PTCHD4: variants seen among roughly 807,000 people sequenced by gnomAD.
PTCHD4 encodes the protein patched domain containing 4.
In PTCHD4, 33 loss-of-function variants were observed where a neutral mutation model predicts 58.1. That is an observed-to-expected ratio of 0.57 (90% CI 0.43 to 0.76). PTCHD4 has a LOEUF of 0.76. Ranked by LOEUF, PTCHD4 falls within the 30% of genes least tolerant of loss-of-function variation. PTCHD4 has a pLI of 0.00. For missense variants in PTCHD4, 1,058 were observed against 1,027.1 expected (o/e 1.03, Z -0.41); for synonymous variants, 478 against 409.6 (o/e 1.17, Z -2.02).
chr6:47,933,250 A>T (rs928713045), intron 4 of PTCHD4, among the ~76,000 whole-genome samples: 4 of 152,226 alleles, frequency 2.6e-5, no homozygotes, highest in Non-Finnish European at 5.9e-5. Flanking sequence ...CCCTACTGTG[A>T]GCTCCATAGG....
intron 1 of PTCHD4, among the ~76,000 whole-genome samples, chr6:48,081,128 C>G (rs1375757306): frequency 6.6e-6 from 1 of 152,102 alleles, no homozygotes; most frequent in Non-Finnish European, 1.5e-5. Flanking sequence ...CAAAACCCTC[C>G]TATGTACAAA....
At chr6:47,897,940 C>CTTTTTTTTTTTTTTTTTTTTTTTTTTT (rs67063892) in intron 4 of PTCHD4, among the ~76,000 whole-genome samples, 1 of 76,356 alleles carries the variant, frequency 1.3e-5, no homozygotes, top group African/African-American at 4.9e-5. Context: ...TTCTTTCTTT[C>CTTTTTTTTTTTTTTTTTTTTTTTTTTT]TTTTTTTTTT....
At chr6:48,050,684 A>G (rs999814073) in intron 3 of PTCHD4, among the ~76,000 whole-genome samples, 1 of 152,002 alleles carries the variant, frequency 6.6e-6, no homozygotes, top group South Asian at 2.1e-4. Context: ...TTGAGCACAC[A>G]CCACCATTAC....
At chr6:48,028,599 T>C (rs1211673756) in intron 3 of PTCHD4, among the ~76,000 whole-genome samples, 4 of 152,152 alleles carry the variant, frequency 2.6e-5, no homozygotes, top group African/African-American at 4.8e-5. Flanking sequence ...TGGATTTTTT[T>C]GGTCTGTTCT....
intron 4 of PTCHD4, among the ~76,000 whole-genome samples, chr6:48,005,628 T>C (rs1253895004): frequency 6.6e-6 from 1 of 152,224 alleles, no homozygotes; most frequent in Non-Finnish European, 1.5e-5. Flanking sequence ...AGGCTCTGTA[T>C]GCAAAGCTGT....
intron 4 of PTCHD4, chr6:47,901,011 G>C (rs928881557): frequency 6.6e-6 from 1 of 150,666 alleles, no homozygotes; most frequent in Non-Finnish European, 1.5e-5. Flanking sequence ...AAAATTAGCC[G>C]GGCGCGGTGG....
intron 4 of PTCHD4, among the ~76,000 whole-genome samples, chr6:47,987,018 G>T (rs935284195): frequency 4.6e-5 from 7 of 151,934 alleles, no homozygotes; most frequent in African/African-American, 1.7e-4. Context: ...AGATACCAGG[G>T]TATTAAAAAA....
rs762289499 is a variant in PTCHD4 at position 47,878,671 on chromosome 6, C to G, written c.2164G>C (p.Ala722Pro). 6.2e-7 allele frequency: 1 copy of G among 1,613,446 alleles called. No individual in the cohort carries two copies. Among genetic ancestry groups the G allele is most frequent in the African/African-American group, 1.3e-5 (1 of 74,974 alleles). The change falls in exon 5 of 5, where the codon GCC becomes CCC. Residue 722 changes from alanine to proline, a missense_variant. Ala to Pro is a conservative substitution (Grantham distance 27, BLOSUM62 -1). Transcript: ENST00000339488. ...AGCAGTGGTGCACAGTGGTCAATGG[C>G]GAAATTCAAGGTGTAGATAAGGCAC... The part of the protein sequence containing the change: ...ILCLIYTLNF[A>P]IDHCAPLLFT...
At chr6:48,086,509 G>GTT (rs150567452) in intron 1 of PTCHD4, among the ~76,000 whole-genome samples, 11 of 149,576 alleles carry the variant, frequency 7.4e-5, no homozygotes, top group African/African-American at 1.5e-4. Flanking sequence ...ACCAATTTCT[G>GTT]TTTTTTTTTC....
intron 3 of PTCHD4, among the ~76,000 whole-genome samples, chr6:48,057,639 CTG>C (rs1764459760): frequency 1.3e-5 from 2 of 152,162 alleles, no homozygotes; most frequent in South Asian, 2.1e-4. Context: ...ATGATTTTGA[CTG>C]TGCAATAAAT....
chr6:47,926,059 G>T (rs1443338481), intron 4 of PTCHD4, among the ~76,000 whole-genome samples: 1 of 152,130 alleles, frequency 6.6e-6, no homozygotes, highest in African/African-American at 2.4e-5. Context: ...CAAAGGTGTT[G>T]TAGCTCAACT....
At chr6:48,003,561 C>G (rs1768822241) in intron 4 of PTCHD4, among the ~76,000 whole-genome samples, 1 of 152,184 alleles carries the variant, frequency 6.6e-6, no homozygotes, top group African/African-American at 2.4e-5. Flanking sequence ...ATATCCCACG[C>G]AAAATTTGCA....
At chr6:47,932,365 G>A (rs1008644279) in intron 4 of PTCHD4, among the ~76,000 whole-genome samples, 1 of 152,198 alleles carries the variant, frequency 6.6e-6, no homozygotes, top group African/African-American at 2.4e-5. Flanking sequence ...TGTTTGTCAA[G>A]AGCAAAGATG....
At chr6:48,051,372 T>C (rs1647605708) in intron 3 of PTCHD4, among the ~76,000 whole-genome samples, 1 of 151,998 alleles carries the variant, frequency 6.6e-6, no homozygotes, top group Non-Finnish European at 1.5e-5. Context: ...TTTACCATCT[T>C]AGCTGTGGAT....
chr6:47,995,660 G>T (rs1418883649), intron 4 of PTCHD4, among the ~76,000 whole-genome samples: 1 of 152,172 alleles, frequency 6.6e-6, no homozygotes, highest in Non-Finnish European at 1.5e-5. Flanking sequence ...AGATAATTCT[G>T]TCATTGAATA....
chr6:47,944,456 A>G (rs1766344517), intron 4 of PTCHD4, among the ~76,000 whole-genome samples: 1 of 152,152 alleles, frequency 6.6e-6, no homozygotes, highest in South Asian at 2.1e-4. Context: ...AAATATCAAC[A>G]GCAGAGCAGA....
rs566510400 is a variant in PTCHD4 at position 47,879,684 on chromosome 6, C to T, written c.1151G>A (p.Gly384Asp). Residue 384 changes from glycine (G) to aspartate (D), a missense_variant, in exon 5 of 5, where the codon GGC (glycine) becomes GAC (aspartate). Gly to Asp is a moderately conservative substitution (Grantham distance 94). Coordinates refer to ENST00000339488, the MANE Select transcript of PTCHD4 (RefSeq NM_001384253.1). ...TTGGCCAGCAAAGACCAGACAGGAG[C>T]CAAAGAAGGAGAAAATGTAGAAGTA... ...LNYFYIFSFF[G>D]SCLVFAGQLE... The T allele has an allele frequency of 6.2e-7, 1 of 1,613,434 alleles. No homozygotes were observed. The highest frequency in any genetic ancestry group is 2.2e-5 in the East Asian group (1 of 44,830).
At chr6:47,975,477 G>A (rs1311511136) in intron 4 of PTCHD4, among the ~76,000 whole-genome samples, 1 of 152,034 alleles carries the variant, frequency 6.6e-6, no homozygotes, top group African/African-American at 2.4e-5. Flanking sequence ...ACAATGTGTG[G>A]CATGGTGGTT....
At chr6:48,021,027 T>A (rs1763049504) in intron 3 of PTCHD4, among the ~76,000 whole-genome samples, 1 of 152,062 alleles carries the variant, frequency 6.6e-6, no homozygotes, top group South Asian at 2.1e-4. Flanking sequence ...TTCTAAGCAA[T>A]CTGTCTAACT....
Sources: allele counts gnomAD v4.1 joint callset (sites outside exome capture counted in the v4.1 genomes callset), GRCh38; gene constraint gnomAD v4.1.1; transcripts MANE v1.5; gene names NCBI Gene and HGNC (gene_info 2026-07-23, HGNC 2026-07-21).